The following PCDHGB1 variants were observed in gnomAD, a reference collection of about 807,000 sequenced individuals.
PCDHGB1 encodes the protein protocadherin gamma subfamily B, 1, also known as protocadherin gamma-B1.
PCDHGB1 carries 34 observed loss-of-function variants against 56.6 expected under a neutral mutation model. The ratio of observed to expected loss-of-function variants is 0.60; its 90% CI spans 0.46 to 0.80. The LOEUF is 0.80. Ranked by LOEUF, PCDHGB1 falls within the 30% of genes least tolerant of loss-of-function variation. The pLI is 0.00. For synonymous variants in PCDHGB1, 561 were observed against 505.9 expected (o/e 1.11, Z -1.46); for missense variants, 1,278 against 1,204.6 (o/e 1.06, Z -0.90).
Position 141,384,146 on chromosome 5 carries a change from C to G in PCDHGB1, c.2409+31477C>G, listed in dbSNP as rs369384722. 2.5e-6 allele frequency: 4 copies of G among 1,613,166 alleles called. No homozygotes were observed. The East Asian group carries it at 6.7e-5, about 27-fold the overall frequency. Reference sequence around the variant, plus strand: ...AAAAACTTGGACCGGGAAACACTCTCTTTGTATAACATCACACTGAAAGCC... The same window carrying G: ...AAAAACTTGGACCGGGAAACACTCTGTTTGTATAACATCACACTGAAAGCC... On this transcript the variant is annotated intron_variant, in intron 1 of 3. Transcript: ENST00000523390.
intron 1 of PCDHGB1, chr5:141,383,820 A>C: frequency 6.2e-7 from 1 of 1,613,924 alleles, no homozygotes; most frequent in Non-Finnish European, 8.5e-7. Flanking sequence ...TAGAAGGATT[A>C]GATTATGAAG....
At chr5:141,442,664 G>A (rs1289986124) in intron 1 of PCDHGB1, among the ~76,000 whole-genome samples, 2 of 152,342 alleles carry the variant, frequency 1.3e-5, no homozygotes, top group East Asian at 1.9e-4. Flanking sequence ...TATTTGGCAT[G>A]GTGAGCTTGA....
chr5:141,408,379 G>T (rs2095093592), intron 1 of PCDHGB1: 13 of 1,613,914 alleles, frequency 8.1e-6, no homozygotes, highest in Non-Finnish European at 1.1e-5. Context: ...TCAGTGTCCT[G>T]GATGTGTCGG....
chr5:141,389,975 C>A (rs1318416407), intron 1 of PCDHGB1: 1 of 1,614,060 alleles, frequency 6.2e-7, no homozygotes, highest in Non-Finnish European at 8.5e-7. Flanking sequence ...TGGCCTTGAT[C>A]TCAGTGCTCT....
intron 1 of PCDHGB1, chr5:141,478,282 G>A: frequency 6.2e-7 from 1 of 1,614,184 alleles, no homozygotes; most frequent in Non-Finnish European, 8.5e-7. Flanking sequence ...AGTGGAAGCA[G>A]TCTAGAGACC....
chr5:141,430,984 C>G (rs765063685), intron 1 of PCDHGB1: 2 of 1,613,530 alleles, frequency 1.2e-6, no homozygotes, highest in Non-Finnish European at 1.7e-6. Flanking sequence ...CGCAGCTTTT[C>G]GCCCTGAATC....
At chr5:141,436,318 CTG>C (rs1309397202) in intron 1 of PCDHGB1, among the ~76,000 whole-genome samples, 1 of 152,154 alleles carries the variant, frequency 6.6e-6, no homozygotes, top group Non-Finnish European at 1.5e-5. Flanking sequence ...ATAGTCAAGA[CTG>C]TTAGACCATA....
intron 1 of PCDHGB1, chr5:141,427,785 TC>T: frequency 6.8e-7 from 1 of 1,470,156 alleles, no homozygotes; most frequent in Non-Finnish European, 9.4e-7. Flanking sequence ...GGCACTGTCG[TC>T]CTACGTGTCC....
At chr5:141,433,028 G>C in intron 1 of PCDHGB1, 1 of 1,614,116 alleles carries the variant, frequency 6.2e-7, no homozygotes, top group Non-Finnish European at 8.5e-7. Context: ...TTCCCACGAG[G>C]TTTCCCTCAC....
chr5:141,389,741 G>T (rs537380299), intron 1 of PCDHGB1: 31 of 1,612,676 alleles, frequency 1.9e-5, no homozygotes, highest in Admixed American at 6.7e-5. Context: ...GCCTGGGGCT[G>T]CGCACGGGCG....
At position 141,350,575 on chromosome 5, in the gene PCDHGB1, G is replaced by C. The variant is rs777214956; in HGVS notation, c.315G>C (p.Thr105=). Residue 105 remains threonine (T), a synonymous_variant, in exon 1 of 4, where the codon ACG becomes ACC. Transcript: ENST00000523390. Reference sequence around the variant, plus strand: ...TTGAGTGTGCACTAGAATTCGAAACGGTCGCTGAAAACCCAATGAATGTTT... The same window carrying C: ...TTGAGTGTGCACTAGAATTCGAAACCGTCGCTGAAAACCCAATGAATGTTT... The part of the protein sequence containing the change: ...RKLECALEFE[T]VAENPMNVFH... The C allele has an allele frequency of 1.1e-5, 18 of 1,613,906 alleles. No individual in the cohort carries two copies. In the East Asian group the frequency reaches 3.6e-4, roughly 32 times the overall value.
intron 1 of PCDHGB1, chr5:141,365,344 G>A: frequency 6.2e-7 from 1 of 1,613,966 alleles, no homozygotes; most frequent in South Asian, 1.1e-5. Context: ...TCACAGTACA[G>A]GACGTGAATG....
At chr5:141,380,802 T>A (rs1776746309) in intron 1 of PCDHGB1, among the ~76,000 whole-genome samples, 1 of 152,118 alleles carries the variant, frequency 6.6e-6, no homozygotes, top group African/African-American at 2.4e-5. Context: ...AAGAAACAAA[T>A]GTGAGATGAA....
At chr5:141,363,584 T>C (rs1175154896) in intron 1 of PCDHGB1, among the ~76,000 whole-genome samples, 1 of 152,246 alleles carries the variant, frequency 6.6e-6, no homozygotes, top group Non-Finnish European at 1.5e-5. Context: ...AATGCATAGT[T>C]AACCCAACTC....
At position 141,477,210 on chromosome 5, in the gene PCDHGB1, C is replaced by G. The variant is rs780852225; in HGVS notation, c.2410-17597C>G. 1.2e-6 allele frequency: 2 copies of G among 1,614,142 alleles called. No individual in the cohort carries two copies. The highest frequency in any genetic ancestry group is 1.7e-6 in the Non-Finnish European group (2 of 1,180,030). On this transcript the variant is annotated intron_variant, in intron 1 of 3. Coordinates refer to ENST00000523390, the MANE Select transcript of PCDHGB1 (RefSeq NM_018922.3). The surrounding 1 kb of genome is among the most constrained non-coding windows in gnomAD (Gnocchi z 4.9). ...GTGTACAGCCCAGTACCCGAGGATG[C>G]CCCTCTGGGGACTGTCATCGCTTTG...
At chr5:141,376,255 G>A (rs1380740739) in intron 1 of PCDHGB1, 6 of 1,614,256 alleles carry the variant, frequency 3.7e-6, no homozygotes, top group Non-Finnish European at 3.4e-6. Context: ...AGTCACGCCT[G>A]CTGCAGGCTT....
In PCDHGB1 at chr5:141,371,669, C is replaced by T. The variant is rs766031996; in HGVS notation, c.2409+19000C>T. On this transcript the variant is annotated intron_variant, in intron 1 of 3. Coordinates refer to ENST00000523390, the MANE Select transcript of PCDHGB1 (RefSeq NM_018922.3). ...AATACAATGTGACGATCACAGCTAC[C>T]GACAAAGGCAATCCACCGCTCTCCT... 3 of 1,613,874 alleles carry T rather than the reference C, an allele frequency of 1.9e-6. No individual in the cohort carries two copies. The Admixed American group carries it at 5.0e-5, about 27-fold the overall frequency.
chr5:141,364,809 C>G, intron 1 of PCDHGB1: 23 of 1,613,952 alleles, frequency 1.4e-5, no homozygotes, highest in Non-Finnish European at 1.9e-5. Flanking sequence ...GCGCGGGATG[C>G]GGATGTGGGT....
rs191165530 is a variant in PCDHGB1 at position 141,439,134 on chromosome 5, A to T, written c.2410-55673A>T. On this transcript the variant is annotated intron_variant, in intron 1 of 3. Coordinates refer to ENST00000523390, the MANE Select transcript of PCDHGB1 (RefSeq NM_018922.3). The stretch of plus-strand genomic sequence containing the variant: ...CTTGAACCCGGGAGACAGAGGTTGC[A>T]GTGAGCTGAGATCACGCCACTGCAC... Among the ~76,000 whole-genome samples the T allele has an allele frequency of 2.4e-3, 368 of 151,344 alleles. 1 individual carries two copies. Among genetic ancestry groups the T allele is most frequent in the African/African-American group, 8.5e-3 (349 of 41,216 alleles).
Sources: allele counts gnomAD v4.1 joint callset (sites outside exome capture counted in the v4.1 genomes callset), GRCh38; gene constraint gnomAD v4.1.1; non-coding constraint Gnocchi (gnomAD v3.1); transcripts MANE v1.5; gene names NCBI Gene and HGNC (gene_info 2026-07-23, HGNC 2026-07-21).